The following LCT variants were observed in gnomAD, a reference collection of about 807,000 sequenced individuals.
The protein encoded by LCT is lactase.
A neutral mutation model predicts 173.0 loss-of-function variants in LCT; 90 were observed. That is an observed-to-expected ratio of 0.52 (90% CI 0.44 to 0.62). The LOEUF is 0.62. LCT is among the 20% of genes least tolerant of loss of function. The probability of loss-of-function intolerance (pLI) is 0.00; values close to 1 mark genes in which losing one functional copy is unlikely to be tolerated. For synonymous variants in LCT, 853 were observed against 957.6 expected (o/e 0.89, Z 2.02); for missense variants, 1,864 against 2,431.4 (o/e 0.77, Z 4.91).
At position 135,824,089 on chromosome 2, in the gene LCT, G is replaced by A. The variant is rs2077862537; in HGVS notation, c.805-86C>T. 1.1e-5 allele frequency: 10 copies of A among 888,084 alleles called. No individual in the cohort carries two copies. The South Asian group carries it at 1.4e-4, about 12-fold the overall frequency. The allele number at this position is 888,084 out of a possible 1,614,324, so 55.0% of individuals were successfully genotyped here. Reference sequence around the variant, plus strand: ...GGACAGAGTTTCAAGATGAGAAGCTGTGGCACTTACTCTGGCTTTGGAAAT... The same window carrying A: ...GGACAGAGTTTCAAGATGAGAAGCTATGGCACTTACTCTGGCTTTGGAAAT... On this transcript the variant is annotated intron_variant, in intron 3 of 16. Transcript: ENST00000264162.
intron 6 of LCT, among the ~76,000 whole-genome samples, chr2:135,814,271 A>G (rs1016490169): frequency 6.6e-6 from 1 of 152,198 alleles, no homozygotes; most frequent in African/African-American, 2.4e-5. Context: ...TCTAAACTCG[A>G]ATGGCAAACT....
chr2:135,829,725 A>G (rs201697286), intron 2 of LCT, 49 bp from the exon 3 acceptor site: 6 of 1,218,834 alleles, frequency 4.9e-6, no homozygotes, highest in African/African-American at 4.5e-5. Context: ...CACTGTCAAG[A>G]CTAACAGCCT....
chr2:135,810,434 G>C (rs2077725433), intron 7 of LCT, among the ~76,000 whole-genome samples: 1 of 152,106 alleles, frequency 6.6e-6, no homozygotes, highest in Non-Finnish European at 1.5e-5. Context: ...TCCTCAGAAT[G>C]GATAAAAGGA....
In LCT at chr2:135,836,998, C is replaced by A. The variant is rs762559183; in HGVS notation, c.172G>T (p.Asp58Tyr). 1.2e-6 allele frequency: 2 copies of A among 1,613,992 alleles called. No individual in the cohort carries two copies. Among genetic ancestry groups the A allele is most frequent in the Non-Finnish European group, 1.7e-6 (2 of 1,179,946 alleles). ...GDQSSNFVAG[D>Y]KDMYVCHQPL... ...TGGTGACAAACATACATGTCTTTGT[C>A]CCCTGCTACAAAGTTAGAACTCTGG... is the stretch of plus-strand genomic sequence containing the variant. The change falls in exon 1 of 17, where the codon GAC becomes TAC. Residue 58 changes from aspartate (D) to tyrosine (Y), a missense_variant. Coordinates refer to ENST00000264162, the MANE Select transcript of LCT (RefSeq NM_002299.4).
chr2:135,818,213 C>A, intron 5 of LCT, 152 bp from the exon 6 acceptor site: 1 of 850,710 alleles, frequency 1.2e-6, no homozygotes, highest in Non-Finnish European at 1.9e-6. Context: ...CAGGAAGTAA[C>A]TGGCAGATGG....
intron 2 of LCT, among the ~76,000 whole-genome samples, chr2:135,830,804 C>T (rs942495299): frequency 7.9e-5 from 12 of 152,336 alleles, no homozygotes; most frequent in African/African-American, 2.6e-4. Context: ...CAGTTCTGCA[C>T]AACACATCGT....
Position 135,809,024 on chromosome 2 carries a change from T to A in LCT, c.3323A>T (p.Tyr1108Phe). The change falls in exon 8 of 17, where the codon TAC (tyrosine) becomes TTC (phenylalanine). Residue 1108 changes from tyrosine to phenylalanine, a missense_variant. Physicochemically the swap from Tyr to Phe is conservative, Grantham distance 22. Coordinates refer to ENST00000264162, the MANE Select transcript of LCT (RefSeq NM_002299.4). The surrounding 1 kb of genome is among the most constrained non-coding windows in gnomAD (Gnocchi z 5.5). ...IKAHARVYHT[Y>F]DEKYRQEQKG... ...CTGCTCCTGCCTGTATTTCTCATCG[T>A]ACGTGTGATAGACTCTGGCATGGGC... 6.2e-7 allele frequency: 1 copy of A among 1,611,894 alleles called. No homozygotes were observed.
intron 10 of LCT, 48 bp from the exon 11 acceptor site, chr2:135,804,176 G>A: frequency 2.1e-6 from 3 of 1,458,398 alleles, no homozygotes; most frequent in Non-Finnish European, 2.9e-6. Flanking sequence ...CTTTCCATGG[G>A]AAGCCCTAGG....
At position 135,788,427 on chromosome 2, in the gene LCT, C is replaced by T; in HGVS notation, c.5681G>A (p.Gly1894Glu). Residue 1894 changes from glycine to glutamate, a missense_variant, in exon 17 of 17, where the codon GGA becomes GAA. Physicochemically the swap from Gly to Glu is moderately conservative, Grantham distance 98. Around this residue, in one of 4 missense-constraint regions of LCT, gnomAD observed 514 missense variants for 750.1 expected, o/e 0.69. Transcript: ENST00000264162. ...TGACAGAAATGCCAAGCCACAGACT[C>T]CAAGAAGCACAAGAGAAAAGAGAAC... is the stretch of plus-strand genomic sequence containing the variant. ...LYVLFSLVLL[G>E]VCGLAFLSYK... 1 of 1,614,092 alleles carries T rather than the reference C, an allele frequency of 6.2e-7. No homozygotes were observed. Among genetic ancestry groups the T allele is most frequent in the Non-Finnish European group, 8.5e-7 (1 of 1,179,958 alleles).
intron 3 of LCT, among the ~76,000 whole-genome samples, chr2:135,825,143 C>T (rs2077875318): frequency 6.6e-6 from 1 of 152,182 alleles, no homozygotes; most frequent in Non-Finnish European, 1.5e-5. Flanking sequence ...CTTTAAATTA[C>T]CTTTTTTGCG....
At chr2:135,818,419 C>A (rs1240601537) in intron 5 of LCT, among the ~76,000 whole-genome samples, 1 of 152,148 alleles carries the variant, frequency 6.6e-6, no homozygotes, top group East Asian at 1.9e-4. Context: ...ATTTATTGAG[C>A]CTTGATTCTG....
chr2:135,817,361 G>A lies in LCT; in HGVS notation c.1687C>T (p.Pro563Ser), dbSNP rs1317108482. ...TGQHPPGISD[P>S]GVASFKVAHL... is the part of the protein sequence containing the mutation. ...AGTACCTTAAAAGAGGCCACTCCTG[G>A]GTCAGAGATGCCGGGAGGGTGCTGG... is the stretch of plus-strand genomic sequence containing the variant. The change falls in exon 6 of 17, where the codon CCA (proline) becomes TCA (serine). Residue 563 changes from proline to serine, a missense_variant. This residue lies in a region of LCT where 183 missense variants were observed against 293.1 expected (regional missense o/e 0.62). Transcript: ENST00000264162. 1.9e-6 allele frequency: 3 copies of A among 1,614,008 alleles called. No individual in the cohort carries two copies. The highest frequency in any genetic ancestry group is 1.7e-5 in the Admixed American group (1 of 60,018).
chr2:135,789,837 T>G (rs757768837), intron 15 of LCT, 39 bp from the exon 16 acceptor site: 1 of 1,552,360 alleles, frequency 6.4e-7, no homozygotes, highest in African/African-American at 1.4e-5. Context: ...GTTTCCTATC[T>G]CATAAGGCAG....
chr2:135,804,181 C>A, intron 10 of LCT, 53 bp from the exon 11 acceptor site: 1 of 1,427,474 alleles, frequency 7.0e-7, no homozygotes, highest in Non-Finnish European at 9.9e-7. Flanking sequence ...CATGGGAAGC[C>A]CTAGGTTAGA....
intron 1 of LCT, among the ~76,000 whole-genome samples, chr2:135,835,976 G>GTATATATATA (rs745860913): frequency 6.2e-5 from 5 of 80,474 alleles, no homozygotes; most frequent in African/African-American, 2.0e-4. Flanking sequence ...ATACATGTGT[G>GTATATATATA]TATATATATA....
chr2:135,823,923 A>G lies in LCT; in HGVS notation c.885T>C (p.Ser295=), dbSNP rs747935857. ...DCPSTMKNPA[S]LLFSLFEAIN... is the part of the protein sequence containing the mutation. ...CACCTTCAAAAAGGCTGAAGAGCAG[A>G]CTGGCTGGGTTCTTCATGGTGGAGG... Residue 295 remains serine (S), a synonymous_variant, in exon 4 of 17, where the codon AGT becomes AGC. Transcript: ENST00000264162. The G allele has an allele frequency of 5.0e-6, 8 of 1,613,220 alleles. No individual in the cohort carries two copies. In the Admixed American group the frequency reaches 1.2e-4, roughly 24 times the overall value.
chr2:135,831,885 C>A (rs913575346), intron 2 of LCT, among the ~76,000 whole-genome samples: 1 of 152,160 alleles, frequency 6.6e-6, no homozygotes, highest in Non-Finnish European at 1.5e-5. Flanking sequence ...GGGCCCAAAG[C>A]TGTTCACTTC....
intron 11 of LCT, among the ~76,000 whole-genome samples, chr2:135,803,684 G>A (rs1575335772): frequency 6.6e-6 from 1 of 152,238 alleles, no homozygotes; most frequent in Non-Finnish European, 1.5e-5. Flanking sequence ...ATCTCAGAGA[G>A]CTTCCCACCT....
chr2:135,819,321 C>T (rs2077808918), intron 5 of LCT, among the ~76,000 whole-genome samples: 2 of 151,320 alleles, frequency 1.3e-5, no homozygotes, highest in African/African-American at 2.4e-5. Flanking sequence ...TCTTTTTTTT[C>T]AATTGTGATT....
Sources: allele counts gnomAD v4.1 joint callset (sites outside exome capture counted in the v4.1 genomes callset), GRCh38; gene constraint gnomAD v4.1.1; regional missense constraint gnomAD v4.1.1; non-coding constraint Gnocchi (gnomAD v3.1); transcripts MANE v1.5; gene names NCBI Gene and HGNC (gene_info 2026-07-23, HGNC 2026-07-21).